The following LDLRAD4 variants were observed in gnomAD, a reference collection of about 807,000 sequenced individuals.
LDLRAD4 encodes low-density lipoprotein receptor class A domain-containing protein 4.
Under a neutral mutation model 17.0 loss-of-function variants are expected in LDLRAD4, and 5 were observed. The observed-to-expected ratio is 0.29, with a 90% confidence interval of 0.15 to 0.62. The LOEUF is 0.62. Ranked by LOEUF, LDLRAD4 falls within the 20% of genes least tolerant of loss-of-function variation. The pLI, the probability that LDLRAD4 is intolerant of heterozygous loss-of-function variation, is 0.84. For missense variants in LDLRAD4, 340 were observed against 424.7 expected (o/e 0.80, Z 1.75); for synonymous variants, 168 against 171.8 (o/e 0.98, Z 0.17).
chr18:13,446,563 C>G (rs1475097785), intron 3 of LDLRAD4, among the ~76,000 whole-genome samples: 1 of 152,250 alleles, frequency 6.6e-6, no homozygotes, highest in Non-Finnish European at 1.5e-5. Context: ...GGGATTTCCT[C>G]TACAAACTGA....
intron 1 of LDLRAD4, among the ~76,000 whole-genome samples, chr18:13,242,251 A>C (rs927869836): frequency 6.6e-6 from 1 of 152,272 alleles, no homozygotes; most frequent in African/African-American, 2.4e-5. Context: ...CTAGGATTCC[A>C]GTATTTCAAG....
intron 1 of LDLRAD4, among the ~76,000 whole-genome samples, chr18:13,325,491 G>C (rs906882231): frequency 6.6e-6 from 1 of 152,124 alleles, no homozygotes; most frequent in Non-Finnish European, 1.5e-5. Context: ...CTCGCTGCCC[G>C]GCCTGACTCC....
chr18:13,581,960 C>T (rs922707494), intron 3 of LDLRAD4, among the ~76,000 whole-genome samples: 1 of 152,066 alleles, frequency 6.6e-6, no homozygotes, highest in African/African-American at 2.4e-5. Context: ...TGACGGTCCA[C>T]CCCCGCCCAT....
intron 3 of LDLRAD4, among the ~76,000 whole-genome samples, chr18:13,579,783 G>A (rs1411195350): frequency 2.6e-5 from 4 of 152,290 alleles, no homozygotes; most frequent in Middle Eastern, 3.4e-3. Context: ...TGCCATTTGC[G>A]GTATTCTTTT....
chr18:13,228,216 G>A (rs565116039), intron 1 of LDLRAD4, among the ~76,000 whole-genome samples: 1 of 152,318 alleles, frequency 6.6e-6, no homozygotes, highest in East Asian at 1.9e-4. Flanking sequence ...GGAGTGTGCT[G>A]AAGGCTGCTA....
At chr18:13,445,552 ATGTG>A (rs1347866537) in intron 3 of LDLRAD4, among the ~76,000 whole-genome samples, 2 of 88,072 alleles carry the variant, frequency 2.3e-5, no homozygotes, top group Non-Finnish European at 3.7e-5. Context: ...GTACATGTCT[ATGTG>A]TGTGTTTGTG....
intron 4 of LDLRAD4, among the ~76,000 whole-genome samples, chr18:13,640,251 C>A (rs2042422264): frequency 1.5e-5 from 2 of 136,692 alleles, no homozygotes. Flanking sequence ...CGAGATCCCG[C>A]CCCTGCACTC....
intron 1 of LDLRAD4, among the ~76,000 whole-genome samples, chr18:13,343,328 T>C (rs922739999): frequency 1.4e-5 from 2 of 147,326 alleles, no homozygotes; most frequent in African/African-American, 5.0e-5. Context: ...TGAGAACATG[T>C]GGTGTTTGGT....
intron 3 of LDLRAD4, among the ~76,000 whole-genome samples, chr18:13,512,915 G>A (rs1377441232): frequency 2.6e-5 from 4 of 152,274 alleles, no homozygotes; most frequent in Admixed American, 2.0e-4. Context: ...TATTTTATAC[G>A]TTACCCTATC....
At chr18:13,320,055 C>T (rs1443596430) in intron 1 of LDLRAD4, among the ~76,000 whole-genome samples, 1 of 152,238 alleles carries the variant, frequency 6.6e-6, no homozygotes, top group Non-Finnish European at 1.5e-5. Flanking sequence ...ACAGTGTTGT[C>T]TGCATTGTTG....
intron 3 of LDLRAD4, chr18:13,489,690 A>C (rs1461782785): frequency 6.6e-6 from 1 of 152,158 alleles, no homozygotes; most frequent in Non-Finnish European, 1.5e-5. Context: ...TGGAATGTGT[A>C]TTCTTCTGTG....
intron 3 of LDLRAD4, among the ~76,000 whole-genome samples, chr18:13,479,015 T>C (rs1439509809): frequency 6.6e-6 from 1 of 152,158 alleles, no homozygotes; most frequent in Non-Finnish European, 1.5e-5. Flanking sequence ...GGTAATACGG[T>C]GGAGGCAAGA....
chr18:13,333,401 A>G (rs1417840032), intron 1 of LDLRAD4, among the ~76,000 whole-genome samples: 1 of 152,190 alleles, frequency 6.6e-6, no homozygotes, highest in Non-Finnish European at 1.5e-5. Flanking sequence ...TTCACATAGC[A>G]GAAGTCTTTA....
At chr18:13,276,047 C>T (rs755884849), upstream of LDLRAD4, among the ~76,000 whole-genome samples, 83 of 152,242 alleles carry the variant, frequency 5.5e-4, no homozygotes, top group Non-Finnish European at 1.1e-3. Context: ...CTTATTCTGT[C>T]GCCCATGCTG....
chr18:13,286,419 C>T (rs1055819922), intron 1 of LDLRAD4, among the ~76,000 whole-genome samples: 12 of 152,242 alleles, frequency 7.9e-5, no homozygotes, highest in African/African-American at 2.9e-4. Context: ...GCCACCCAGG[C>T]TGGAGTGCAG....
chr18:13,506,518 A>G (rs2093696364), intron 3 of LDLRAD4, among the ~76,000 whole-genome samples: 1 of 151,980 alleles, frequency 6.6e-6, no homozygotes, highest in East Asian at 1.9e-4. Flanking sequence ...CATCACATAC[A>G]TTTACCCCTG....
rs918020965 is a variant in LDLRAD4 at position 13,271,428 on chromosome 18, G to A, written c.-466-6677G>A. Among the ~76,000 whole-genome samples, 9 of 152,168 alleles carry A rather than the reference G, an allele frequency of 5.9e-5. No homozygotes were observed. The South Asian group carries it at 1.2e-3, about 21-fold the overall frequency. On this transcript the variant is annotated intron_variant, in intron 1 of 5. Transcript: ENST00000399848. ...CCCATTTCCCAATTCCCACTGGGGG[G>A]CTTCCAGCGCACTTTCTGGGTACTT...
intron 2 of LDLRAD4, among the ~76,000 whole-genome samples, chr18:13,437,751 C>T (rs1265351368): frequency 2.0e-5 from 3 of 152,236 alleles, no homozygotes; most frequent in Non-Finnish European, 4.4e-5. Flanking sequence ...TGTCCAGATT[C>T]TCACCACAGG....
At chr18:13,594,767 T>C (rs961790458) in intron 3 of LDLRAD4, among the ~76,000 whole-genome samples, 2 of 151,392 alleles carry the variant, frequency 1.3e-5, no homozygotes, top group Admixed American at 6.6e-5. Context: ...GGAAGTGTTC[T>C]CTTCTCCAAA....
Sources: gnomAD v4.1 joint callset for allele counts (sites outside exome capture counted in the v4.1 genomes callset) on GRCh38, gnomAD v4.1.1 for gene constraint, MANE v1.5 for transcripts, NCBI Gene and HGNC (gene_info 2026-07-23, HGNC 2026-07-21) for gene names.